NANOS3: variants seen among roughly 807,000 people sequenced by gnomAD.
NANOS3 encodes the protein nanos homolog 3.
In NANOS3, 11 loss-of-function variants were observed where a neutral mutation model predicts 13.8. The observed-to-expected ratio is 0.80, with a 90% CI of 0.50 to 1.32. The LOEUF (loss-of-function observed/expected upper bound fraction) is 1.32, where lower values mean the gene tolerates loss of function less well. NANOS3 is among the 40% of genes most tolerant of loss of function. NANOS3 has a pLI of 0.00. For synonymous variants in NANOS3, 119 were observed against 115.4 expected (o/e 1.03, Z -0.20); for missense variants, 221 against 263.8 (o/e 0.84, Z 1.12).
chr19:13,873,950 AGGGACT>A (rs929100695), upstream of NANOS3, among the ~76,000 whole-genome samples: 28 of 152,016 alleles, frequency 1.8e-4, no homozygotes, highest in African/African-American at 5.5e-4. Flanking sequence ...CACTGGAGGA[AGGGACT>A]GGGGGTCATT....
At chr19:13,863,076 G>A (rs1446768614), upstream of NANOS3, among the ~76,000 whole-genome samples, 1 of 152,260 alleles carries the variant, frequency 6.6e-6, no homozygotes, top group African/African-American at 2.4e-5. Flanking sequence ...CTCTGGTCTG[G>A]ATGGGAGACG....
intron 1 of NANOS3, among the ~76,000 whole-genome samples, chr19:13,870,126 C>G (rs969882249): frequency 6.6e-6 from 1 of 151,996 alleles, no homozygotes; most frequent in Non-Finnish European, 1.5e-5. Flanking sequence ...CTGCGTCTCA[C>G]TCACTGCAGC....
chr19:13,865,460 CCGGGGGCACGGGCGGGG>C (rs938842865), intron 1 of NANOS3: 43 of 143,950 alleles, frequency 3.0e-4, no homozygotes, highest in South Asian at 6.3e-4. Flanking sequence ...GCCGGGCGGG[CCGGGGGCACGGGCGGGG>C]CGGGGGCCGC....
chr19:13,876,229 C>T (rs558514076), upstream of NANOS3, among the ~76,000 whole-genome samples: 1 of 152,258 alleles, frequency 6.6e-6, no homozygotes, highest in Non-Finnish European at 1.5e-5. Context: ...ACCTCTGCCT[C>T]CTGGGTTCAA....
chr19:13,872,768 G>A (rs1454159919), upstream of NANOS3, among the ~76,000 whole-genome samples: 1 of 152,172 alleles, frequency 6.6e-6, no homozygotes, highest in African/African-American at 2.4e-5. Flanking sequence ...AGCCTGAATG[G>A]GAGGATCTGC....
At chr19:13,879,750 C>A (rs1370680731) in intron 1 of NANOS3, among the ~76,000 whole-genome samples, 1 of 149,604 alleles carries the variant, frequency 6.7e-6, no homozygotes, top group Admixed American at 6.6e-5. Context: ...AAGCACTGGT[C>A]ATGGTGGCTC....
At chr19:13,872,165 T>C (rs1477332641), upstream of NANOS3, among the ~76,000 whole-genome samples, 1 of 152,056 alleles carries the variant, frequency 6.6e-6, no homozygotes, top group East Asian at 1.9e-4. Flanking sequence ...GCCAACATAG[T>C]GAAACCCTGT....
chr19:13,880,071 GT>G (rs1163536306), intron 1 of NANOS3, among the ~76,000 whole-genome samples: 1 of 152,218 alleles, frequency 6.6e-6, no homozygotes, highest in Non-Finnish European at 1.5e-5. Context: ...AGAAGATAGT[GT>G]TTCCTGTGAG....
At chr19:13,873,913 G>A (rs560328980), upstream of NANOS3, among the ~76,000 whole-genome samples, 1 of 151,988 alleles carries the variant, frequency 6.6e-6, no homozygotes, top group Non-Finnish European at 1.5e-5. Context: ...CCCGGGGCGG[G>A]GGGGTGGTCG....
chr19:13,874,595 G>A, upstream of NANOS3: 1 of 415,978 alleles, frequency 2.4e-6, no homozygotes, highest in South Asian at 1.7e-5. Flanking sequence ...CCTGAAAAGC[G>A]TTTGTTTATT....
At chr19:13,875,563 A>G (rs1441707921), upstream of NANOS3, among the ~76,000 whole-genome samples, 1 of 151,208 alleles carries the variant, frequency 6.6e-6, no homozygotes, top group East Asian at 2.0e-4. Context: ...TAAATTAGAG[A>G]CAGGATCTCG....
At chr19:13,869,080 A>G (rs1433631253) in intron 1 of NANOS3, among the ~76,000 whole-genome samples, 1 of 152,144 alleles carries the variant, frequency 6.6e-6, no homozygotes, top group African/African-American at 2.4e-5. Context: ...ACATCCTACA[A>G]GAGTTCTTGA....
chr19:13,865,895 C>T (rs939526551), intron 1 of NANOS3, among the ~76,000 whole-genome samples: 5 of 151,902 alleles, frequency 3.3e-5, no homozygotes, highest in Admixed American at 6.5e-5. Flanking sequence ...GTGGGGCGCT[C>T]GGAAATCGAA....
chr19:13,863,226 T>TA (rs555626034), upstream of NANOS3, among the ~76,000 whole-genome samples: 1,318 of 152,246 alleles, frequency 8.7e-3, 14 homozygotes, highest in South Asian at 0.015. Context: ...CTCTTTTTTT[T>TA]AGAGATGAAG....
At chr19:13,874,969 G>A (rs1391160456), upstream of NANOS3, 1 of 528,358 alleles carries the variant, frequency 1.9e-6, no homozygotes, top group African/African-American at 1.9e-5. Flanking sequence ...GGGGATGAAT[G>A]TCACTGTGGC....
rs1240008902 is a variant in NANOS3 at position 13,877,428 on chromosome 19, C to G, written c.180C>G (p.Pro60=). The G allele has an allele frequency of 1.2e-6, 2 of 1,612,344 alleles. No homozygotes were observed. Among genetic ancestry groups the G allele is most frequent in the Middle Eastern group, 1.6e-4 (1 of 6,062 alleles). ...CGGAGTCGGTGCCAGTGCCGGGACC[C>G]AAGGATCAGAAGCGCAGCCTGGAGT... The part of the protein sequence containing the change: ...PAPESVPVPG[P]KDQKRSLESS... Residue 60 remains proline (P), a synonymous_variant, in exon 1 of 2, where the codon CCC becomes CCG. Coordinates refer to ENST00000339133, the MANE Select transcript of NANOS3 (RefSeq NM_001098622.3).
At chr19:13,878,208 G>A (rs8102371) in intron 1 of NANOS3, among the ~76,000 whole-genome samples, 47,857 of 149,140 alleles carry the variant, frequency 0.32, 9,626 homozygotes, top group African/African-American at 0.58. Context: ...GATTACAGGC[G>A]TGAGCACCGC....
intron 1 of NANOS3, among the ~76,000 whole-genome samples, chr19:13,878,842 C>T (rs1309499861): frequency 1.3e-5 from 2 of 152,190 alleles, no homozygotes; most frequent in South Asian, 2.1e-4. Context: ...GTCTCAAACA[C>T]GGCTTAGGTG....
chr19:13,869,515 A>G (rs909841282), intron 1 of NANOS3, among the ~76,000 whole-genome samples: 5 of 151,940 alleles, frequency 3.3e-5, no homozygotes, highest in Non-Finnish European at 5.9e-5. Flanking sequence ...AGACTCCCGC[A>G]GCTGGAAAGG....
Sources: allele counts gnomAD v4.1 joint callset (sites outside exome capture counted in the v4.1 genomes callset), GRCh38; gene constraint gnomAD v4.1.1; transcripts MANE v1.5; gene names NCBI Gene and HGNC (gene_info 2026-07-23, HGNC 2026-07-21).